The following HCN1 variants were observed in gnomAD, a reference collection of about 807,000 sequenced individuals.
HCN1 encodes the protein hyperpolarization activated cyclic nucleotide gated potassium channel 1, also known as potassium/sodium hyperpolarization-activated cyclic nucleotide-gated channel 1.
A neutral mutation model predicts 78.9 loss-of-function variants in HCN1; 13 were observed. That is an observed-to-expected ratio of 0.16 (90% CI 0.11 to 0.26). The LOEUF is 0.26. Ranked by LOEUF, HCN1 falls within the 10% of genes least tolerant of loss-of-function variation. The probability of loss-of-function intolerance (pLI) is 1.00; values close to 1 mark genes in which losing one functional copy is unlikely to be tolerated. For synonymous variants in HCN1, 552 were observed against 455.5 expected (o/e 1.21, Z -2.70); for missense variants, 810 against 1,154.3 (o/e 0.70, Z 4.32).
At chr5:45,681,958 T>C (rs1210152722) in intron 1 of HCN1, among the ~76,000 whole-genome samples, 2 of 152,100 alleles carry the variant, frequency 1.3e-5, no homozygotes, top group African/African-American at 4.8e-5. Context: ...ACCCACATGA[T>C]AGTGGTGTTG....
At position 45,263,705 on chromosome 5, in the gene HCN1, T is replaced by G. The variant is rs569723553; in HGVS notation, c.1784-895A>C. ...TTCCCTACCAATTAAATCTAAATAA[T>G]CATACATGGGCTCTGAATTTCAGTA... On this transcript the variant is annotated intron_variant, in intron 7 of 7. Coordinates refer to ENST00000303230, the MANE Select transcript of HCN1 (RefSeq NM_021072.4). 2.6e-5 allele frequency among the ~76,000 whole-genome samples: 4 copies of G among 152,176 alleles called. No homozygotes were observed. In the South Asian group the frequency reaches 8.3e-4, roughly 31 times the overall value.
At position 45,524,666 on chromosome 5, in the gene HCN1, A is replaced by C. The variant is rs1019335268; in HGVS notation, c.850-62659T>G. ...TGATTTGGCTCTCTGTTTGTCTGTT[A>C]TTGGTGTATAAGAATGCTTGTGATT... On this transcript the variant is annotated intron_variant, in intron 2 of 7. Coordinates refer to ENST00000303230, the MANE Select transcript of HCN1 (RefSeq NM_021072.4). 2.2e-3 allele frequency among the ~76,000 whole-genome samples: 336 copies of C among 151,678 alleles called. 1 individual carries two copies. Among genetic ancestry groups the C allele is most frequent in the Non-Finnish European group, 3.2e-3 (216 of 67,872 alleles).
intron 6 of HCN1, among the ~76,000 whole-genome samples, chr5:45,299,025 GACGTTCT>G (rs1301376537): frequency 1.3e-5 from 2 of 151,970 alleles, no homozygotes; most frequent in Non-Finnish European, 2.9e-5. Flanking sequence ...CCAATTGAGG[GACGTTCT>G]ACAAGATACC....
chr5:45,420,605 A>G (rs958952945), intron 3 of HCN1, among the ~76,000 whole-genome samples: 1 of 152,082 alleles, frequency 6.6e-6, no homozygotes, highest in African/African-American at 2.4e-5. Flanking sequence ...TGGTCTTTCA[A>G]CTTATTTCCT....
At chr5:45,498,821 G>T (rs929972871) in intron 2 of HCN1, among the ~76,000 whole-genome samples, 1 of 152,134 alleles carries the variant, frequency 6.6e-6, no homozygotes, top group African/African-American at 2.4e-5. Flanking sequence ...CTCAGCTGCA[G>T]GTCTGTTGGA....
chr5:45,373,912 A>G (rs1747505881), intron 4 of HCN1, among the ~76,000 whole-genome samples: 1 of 134,250 alleles, frequency 7.4e-6, no homozygotes, highest in South Asian at 2.2e-4. Context: ...TATATTACAT[A>G]CGGTATATAC....
At chr5:45,298,923 A>T (rs1745551624) in intron 6 of HCN1, among the ~76,000 whole-genome samples, 1 of 152,020 alleles carries the variant, frequency 6.6e-6, no homozygotes, top group Non-Finnish European at 1.5e-5. Flanking sequence ...ATGCACTCTC[A>T]ATATGATGTG....
intron 2 of HCN1, among the ~76,000 whole-genome samples, chr5:45,485,081 G>A (rs964424469): frequency 6.6e-6 from 1 of 152,214 alleles, no homozygotes; most frequent in African/African-American, 2.4e-5. Flanking sequence ...TCAGTCAGAT[G>A]TGGTAATTTT....
intron 5 of HCN1, among the ~76,000 whole-genome samples, chr5:45,340,552 C>T (rs1285472446): frequency 3.9e-5 from 6 of 152,166 alleles, no homozygotes; most frequent in African/African-American, 1.4e-4. Context: ...TTGAACCTCT[C>T]CAGGCCCCTG....
chr5:45,417,047 C>A (rs1215611669), intron 3 of HCN1, among the ~76,000 whole-genome samples: 1 of 151,954 alleles, frequency 6.6e-6, no homozygotes, highest in Non-Finnish European at 1.5e-5. Context: ...ACAAACAACC[C>A]TGAATTAGTT....
At chr5:45,525,467 T>C (rs1234678833) in intron 2 of HCN1, among the ~76,000 whole-genome samples, 1 of 151,600 alleles carries the variant, frequency 6.6e-6, no homozygotes, top group Non-Finnish European at 1.5e-5. Context: ...ATAAGTATGA[T>C]AAAATGAATA....
At chr5:45,328,556 A>C (rs1031951102) in intron 5 of HCN1, among the ~76,000 whole-genome samples, 1 of 151,592 alleles carries the variant, frequency 6.6e-6, no homozygotes, top group Non-Finnish European at 1.5e-5. Context: ...ATGATACAGC[A>C]ACAGTTTACC....
intron 1 of HCN1, among the ~76,000 whole-genome samples, chr5:45,676,536 A>G (rs1746270608): frequency 6.6e-6 from 1 of 151,810 alleles, no homozygotes; most frequent in African/African-American, 2.4e-5. Flanking sequence ...CACTTAGGCC[A>G]TTCAGATAAA....
intron 4 of HCN1, among the ~76,000 whole-genome samples, chr5:45,375,055 T>TAC (rs1491505677): frequency 1.2e-4 from 15 of 127,274 alleles, no homozygotes; most frequent in African/African-American, 3.5e-4. Context: ...AATGGAATTT[T>TAC]ATATATATAT....
intron 5 of HCN1, among the ~76,000 whole-genome samples, chr5:45,312,151 G>T (rs1028273984): frequency 1.3e-5 from 2 of 152,280 alleles, no homozygotes; most frequent in Admixed American, 6.5e-5. Context: ...AAACATTCAA[G>T]CACACACTTG....
intron 2 of HCN1, among the ~76,000 whole-genome samples, chr5:45,585,823 G>A (rs577979011): frequency 2.0e-5 from 3 of 152,278 alleles, no homozygotes; most frequent in East Asian, 3.9e-4. Context: ...ATCAGCAGTG[G>A]AGGCTGCAGA....
chr5:45,362,505 C>A (rs533610976), intron 4 of HCN1, among the ~76,000 whole-genome samples: 1 of 152,102 alleles, frequency 6.6e-6, no homozygotes, highest in South Asian at 2.1e-4. Context: ...GTTTCTAATT[C>A]CATTTAAAGC....
intron 3 of HCN1, among the ~76,000 whole-genome samples, chr5:45,428,746 A>G (rs1370453767): frequency 6.6e-6 from 1 of 152,120 alleles, no homozygotes; most frequent in East Asian, 1.9e-4. Context: ...ATATAGCAAA[A>G]AGATAGAAAG....
chr5:45,506,678 G>A (rs1423304593), intron 2 of HCN1, among the ~76,000 whole-genome samples: 2 of 151,948 alleles, frequency 1.3e-5, no homozygotes, highest in African/African-American at 2.4e-5. Context: ...TTTTATTCAT[G>A]ACTAGGAAAG....
Sources: gnomAD v4.1 joint callset for allele counts (sites outside exome capture counted in the v4.1 genomes callset) on GRCh38, gnomAD v4.1.1 for gene constraint, MANE v1.5 for transcripts, NCBI Gene and HGNC (gene_info 2026-07-23, HGNC 2026-07-21) for gene names.